TDRP: variants seen among roughly 807,000 people sequenced by gnomAD.
TDRP encodes testis development-related protein.
A neutral mutation model predicts 10.5 loss-of-function variants in TDRP; 12 were observed. That is an observed-to-expected ratio of 1.15 (90% CI 0.73 to 1.86). TDRP has a LOEUF of 1.86. TDRP is among the 40% of genes most tolerant of loss of function. TDRP has a pLI of 0.00. For missense variants in TDRP, 353 were observed against 229.2 expected, an observed-to-expected ratio of 1.54 and a Z score of -3.49; for synonymous variants, 139 against 95.4, an observed-to-expected ratio of 1.46 and a Z score of -2.67.
chr8:508,704 CT>C (rs1242029376), intron 1 of TDRP, among the ~76,000 whole-genome samples: 3 of 152,302 alleles, frequency 2.0e-5, no homozygotes, highest in Admixed American at 6.5e-5. Flanking sequence ...CATTCCACCC[CT>C]GGCCCCTCCC....
intron 1 of TDRP, among the ~76,000 whole-genome samples, chr8:529,756 C>T (rs1802137498): frequency 6.6e-6 from 1 of 152,148 alleles, no homozygotes; most frequent in Non-Finnish European, 1.5e-5. Context: ...TGGGAGCTCC[C>T]TTGTTATATG....
chr8:529,239 C>T (rs182076214), intron 1 of TDRP, among the ~76,000 whole-genome samples: 65 of 152,308 alleles, frequency 4.3e-4, no homozygotes, highest in African/African-American at 1.5e-3. Flanking sequence ...CAAGTTGACA[C>T]TCAGTATTAA....
intron 2 of TDRP, 101 bp from the exon 3 acceptor site, chr8:492,845 G>C (rs1236617516): frequency 4.1e-6 from 4 of 967,430 alleles, no homozygotes; most frequent in Admixed American, 3.2e-5. Context: ...TTAAAAAATT[G>C]TTTAGAAAAC....
At chr8:537,574 T>A (rs1361656341) in intron 1 of TDRP, among the ~76,000 whole-genome samples, 1 of 152,256 alleles carries the variant, frequency 6.6e-6, no homozygotes, top group Non-Finnish European at 1.5e-5. Context: ...CAGGACAGCC[T>A]GGTTTGCACA....
Position 532,844 on chromosome 8 carries a change from C to CT in TDRP, c.108+11805_108+11806insA, listed in dbSNP as rs1413590381. Among the ~76,000 whole-genome samples, 11 of 66,844 alleles carry CT rather than the reference C, an allele frequency of 1.6e-4. No homozygotes were observed. The South Asian group carries it at 3.6e-3, about 22-fold the overall frequency. The allele number at this position is 66,844 out of a possible 152,430, so 43.9% of individuals were successfully genotyped here. A position where few individuals can be genotyped will look rare whatever the true frequency, so the allele number is the denominator to read the frequency against. On this transcript the variant is annotated intron_variant, in intron 1 of 2. Coordinates refer to ENST00000324079, the MANE Select transcript of TDRP (RefSeq NM_001384899.1). ...CACTATACTGGAACCCAGCCACGAT[C>CT]GTTCATTTACAAGTTGCCTACGGCT...
intron 1 of TDRP, among the ~76,000 whole-genome samples, chr8:501,229 AC>A (rs1411901549): frequency 6.6e-6 from 1 of 152,000 alleles, no homozygotes; most frequent in Non-Finnish European, 1.5e-5. Flanking sequence ...AACAAAAAAA[AC>A]ATGAGCGTAA....
chr8:536,863 A>G (rs954125797), intron 1 of TDRP, among the ~76,000 whole-genome samples: 8 of 152,094 alleles, frequency 5.3e-5, no homozygotes, highest in South Asian at 4.2e-4. Context: ...TCCCTTCTAT[A>G]ATATCGTAAC....
At chr8:518,062 C>G (rs1022909196) in intron 1 of TDRP, among the ~76,000 whole-genome samples, 1 of 152,190 alleles carries the variant, frequency 6.6e-6, no homozygotes, top group African/African-American at 2.4e-5. Flanking sequence ...TACACTCATC[C>G]AGACTCACAG....
chr8:493,931 G>A (rs1585131739), intron 2 of TDRP, among the ~76,000 whole-genome samples: 1 of 150,954 alleles, frequency 6.6e-6, no homozygotes, highest in Non-Finnish European at 1.5e-5. Flanking sequence ...GAGACCCTCA[G>A]GACCTTTTAT....
intron 1 of TDRP, among the ~76,000 whole-genome samples, chr8:497,847 C>T (rs917089181): frequency 8.5e-5 from 13 of 152,182 alleles, no homozygotes; most frequent in African/African-American, 2.9e-4. Context: ...CCCAGCCGCT[C>T]CACCTCCCGC....
intron 1 of TDRP, among the ~76,000 whole-genome samples, chr8:497,216 C>G (rs931976789): frequency 1.3e-5 from 2 of 152,190 alleles, no homozygotes; most frequent in Non-Finnish European, 2.9e-5. Flanking sequence ...TTGGAACTTC[C>G]TAGAGACTTG....
At chr8:511,586 T>C (rs1267470064) in intron 1 of TDRP, among the ~76,000 whole-genome samples, 4 of 152,158 alleles carry the variant, frequency 2.6e-5, no homozygotes, top group Non-Finnish European at 4.4e-5. Context: ...GGAAAAACAC[T>C]ACAAACTAAT....
chr8:524,123 G>A (rs1243215117), intron 1 of TDRP, among the ~76,000 whole-genome samples: 1 of 152,340 alleles, frequency 6.6e-6, no homozygotes, highest in East Asian at 1.9e-4. Flanking sequence ...TTGTTCGGGA[G>A]AAAGTAAGAG....
chr8:498,874 G>T (rs896870991), intron 1 of TDRP, among the ~76,000 whole-genome samples: 1 of 131,204 alleles, frequency 7.6e-6, no homozygotes, highest in Non-Finnish European at 1.5e-5. Context: ...AAAGTGTGTG[G>T]CACCTCCCTG....
chr8:518,170 T>G (rs1325480262), intron 1 of TDRP, among the ~76,000 whole-genome samples: 1 of 152,062 alleles, frequency 6.6e-6, no homozygotes, highest in Non-Finnish European at 1.5e-5. Context: ...AAGGCACCGC[T>G]CTGGAGAGGG....
Position 538,695 on chromosome 8 carries a change from C to G in TDRP, c.108+5955G>C, listed in dbSNP as rs561299514. On this transcript the variant is annotated intron_variant, in intron 1 of 2. Transcript: ENST00000324079. ...TATCTTGACTACAGTTCCATACATT[C>G]AATGACATGGTAGTGGGACTGGGGG... Among the ~76,000 whole-genome samples, 10 of 152,322 alleles carry G rather than the reference C, an allele frequency of 6.6e-5. No homozygotes were observed. The South Asian group carries it at 1.9e-3, about 28-fold the overall frequency.
intron 1 of TDRP, among the ~76,000 whole-genome samples, chr8:507,857 C>A (rs1186198078): frequency 6.6e-6 from 1 of 152,172 alleles, no homozygotes; most frequent in Non-Finnish European, 1.5e-5. Flanking sequence ...ACAACAAACT[C>A]CCATGACACA....
rs117848559 is a variant in TDRP at position 525,102 on chromosome 8, C to T, written c.108+19548G>A. Among the ~76,000 whole-genome samples, 162 of 152,196 alleles carry T rather than the reference C, an allele frequency of 1.1e-3. 1 individual carries two copies. In the East Asian group the frequency reaches 0.024, roughly 23 times the overall value. Reference sequence around the variant, plus strand: ...AAACAGATAGCATACAATGGAGCTCCGATAGGTCTGGCAGCAGGCTTTTCA... The same window carrying T: ...AAACAGATAGCATACAATGGAGCTCTGATAGGTCTGGCAGCAGGCTTTTCA... On this transcript the variant is annotated intron_variant, in intron 1 of 2. Transcript: ENST00000324079.
In TDRP at chr8:517,083, T is replaced by C. The variant is rs1482801265; in HGVS notation, c.109-22486A>G. 3.3e-5 allele frequency among the ~76,000 whole-genome samples: 5 copies of C among 152,126 alleles called. No homozygotes were observed. The East Asian group carries it at 7.7e-4, about 23-fold the overall frequency. On this transcript the variant is annotated intron_variant, in intron 1 of 2. Coordinates refer to ENST00000324079, the MANE Select transcript of TDRP (RefSeq NM_001384899.1). ...GTGATGGGAAGGAGGAAGTCAGACA[T>C]GCCTCATTATACTTTCCTCCCTTTG...
Sources: allele counts gnomAD v4.1 joint callset (sites outside exome capture counted in the v4.1 genomes callset), GRCh38; gene constraint gnomAD v4.1.1; transcripts MANE v1.5; gene names NCBI Gene and HGNC (gene_info 2026-07-23, HGNC 2026-07-21).